HSPA12A: variants seen among roughly 807,000 people sequenced by gnomAD.
HSPA12A encodes the protein heat shock 70 kDa protein 12A.
Under a neutral mutation model 69.2 loss-of-function variants are expected in HSPA12A, and 28 were observed. The observed-to-expected ratio is 0.40, with a 90% CI of 0.30 to 0.55. The LOEUF (loss-of-function observed/expected upper bound fraction) is 0.55, where lower values mean the gene tolerates loss of function less well. Among genes scored for constraint, HSPA12A ranks in the 20% least tolerant of loss-of-function variants. The pLI is 0.38. For synonymous variants in HSPA12A, 345 were observed against 370.5 expected (o/e 0.93, Z 0.79); for missense variants, 686 against 900.7 (o/e 0.76, Z 3.05).
chr10:116,681,029 G>A (rs1000511550), intron 9 of HSPA12A, 123 bp downstream of exon 9: 6 of 669,386 alleles, frequency 9.0e-6, no homozygotes, highest in East Asian at 5.4e-5. Context: ...ATCCTCCACC[G>A]CCTACGATCC....
chr10:116,848,526 G>A (rs1845948068), intron 1 of HSPA12A, among the ~76,000 whole-genome samples: 1 of 152,190 alleles, frequency 6.6e-6, no homozygotes, highest in Non-Finnish European at 1.5e-5. Context: ...TCTTGTAACT[G>A]ATCTGCTTAG....
At chr10:116,845,738 G>T (rs934920335) in intron 1 of HSPA12A, among the ~76,000 whole-genome samples, 2 of 152,070 alleles carry the variant, frequency 1.3e-5, no homozygotes, top group African/African-American at 4.8e-5. Flanking sequence ...ATATGAAATG[G>T]AAATGCAATC....
At chr10:116,730,985 G>A (rs1851134436) in intron 1 of HSPA12A, among the ~76,000 whole-genome samples, 1 of 152,212 alleles carries the variant, frequency 6.6e-6, no homozygotes, top group South Asian at 2.1e-4. Context: ...AGGAATCAGT[G>A]TGCTCCCAGG....
At chr10:116,688,540 G>A (rs1554879757) in intron 6 of HSPA12A, among the ~76,000 whole-genome samples, 1 of 152,368 alleles carries the variant, frequency 6.6e-6, no homozygotes, top group African/African-American at 2.4e-5. Context: ...CAGTCAGCCA[G>A]GAGAATCTGC....
chr10:116,819,061 C>T (rs1267545620), intron 2 of HSPA12A, among the ~76,000 whole-genome samples: 7 of 152,142 alleles, frequency 4.6e-5, no homozygotes, highest in Non-Finnish European at 1.0e-4. Context: ...GAGACAGATG[C>T]TCCACAAGGG....
intron 2 of HSPA12A, among the ~76,000 whole-genome samples, chr10:116,817,027 G>A (rs1297113019): frequency 1.3e-5 from 2 of 152,092 alleles, no homozygotes; most frequent in Non-Finnish European, 2.9e-5. Flanking sequence ...ACAGTTTGCT[G>A]GAATCATCTG....
chr10:116,675,550 C>T lies in HSPA12A; in HGVS notation c.1391-132G>A. 1 of 879,522 alleles carries T rather than the reference C, an allele frequency of 1.1e-6. No individual in the cohort carries two copies. Among genetic ancestry groups the T allele is most frequent in the East Asian group, 2.7e-5 (1 of 37,412 alleles). 54.5% of individuals were successfully genotyped at this position (879,522 alleles called of 1,614,324 possible). ...TGGGAGGGCAGGCTTACTCTGAGCT[C>T]CTTGAACAGAATCTTTGCAGAACTG... On this transcript the variant is annotated intron_variant, in intron 11 of 11. Coordinates refer to ENST00000369209, the MANE Select transcript of HSPA12A (RefSeq NM_025015.3). This position sits in a 1 kb window ranked among gnomAD's most constrained non-coding sequence, Gnocchi z 5.2.
intron 2 of HSPA12A, among the ~76,000 whole-genome samples, chr10:116,759,966 G>T (rs782429154): frequency 6.6e-6 from 1 of 152,090 alleles, no homozygotes; most frequent in Non-Finnish European, 1.5e-5. Flanking sequence ...TGAGGGTAAG[G>T]CCTCCCCAGC....
intron 2 of HSPA12A, among the ~76,000 whole-genome samples, chr10:116,827,762 T>C (rs911628087): frequency 3.3e-5 from 5 of 152,216 alleles, no homozygotes; most frequent in African/African-American, 9.6e-5. Flanking sequence ...CATTCTGGAC[T>C]ATTTGGGGAT....
At chr10:116,849,505 C>G (rs1845986958) in intron 1 of HSPA12A, 2 of 1,436,842 alleles carry the variant, frequency 1.4e-6, no homozygotes, top group Middle Eastern at 2.3e-4. Flanking sequence ...CGTTGCCTAG[C>G]GACAGCAGGG....
At chr10:116,793,226 A>G (rs560015659) in intron 2 of HSPA12A, among the ~76,000 whole-genome samples, 59 of 152,388 alleles carry the variant, frequency 3.9e-4, no homozygotes, top group African/African-American at 1.4e-3. Context: ...AAAACACTAA[A>G]TAAACATTAA....
At chr10:116,722,520 C>T (rs1850812858) in intron 1 of HSPA12A, among the ~76,000 whole-genome samples, 1 of 152,124 alleles carries the variant, frequency 6.6e-6, no homozygotes, top group Admixed American at 6.5e-5. Flanking sequence ...CAGGAGCTGA[C>T]CCTGCAACAG....
At chr10:116,837,302 A>G (rs1845731724) in intron 1 of HSPA12A, among the ~76,000 whole-genome samples, 1 of 152,124 alleles carries the variant, frequency 6.6e-6, no homozygotes, top group Admixed American at 6.6e-5. Context: ...AACCTTTTTC[A>G]ATTCAGTTGG....
intron 1 of HSPA12A, among the ~76,000 whole-genome samples, chr10:116,716,291 C>A (rs1333343264): frequency 6.6e-6 from 1 of 152,162 alleles, no homozygotes; most frequent in African/African-American, 2.4e-5. Flanking sequence ...TTGCTGAGAT[C>A]CCAATGCCAT....
At chr10:116,727,938 G>A (rs1312133517) in intron 1 of HSPA12A, among the ~76,000 whole-genome samples, 3 of 151,208 alleles carry the variant, frequency 2.0e-5, no homozygotes, top group East Asian at 2.0e-4. Flanking sequence ...TTTTGGGGGG[G>A]GGACAGAGTC....
At chr10:116,773,435 C>T (rs117342009) in intron 2 of HSPA12A, among the ~76,000 whole-genome samples, 3,055 of 152,344 alleles carry the variant, frequency 0.02, 87 homozygotes, top group African/African-American at 0.067. Context: ...GGGAGCTGTG[C>T]GTCACTCAAA....
intron 2 of HSPA12A, among the ~76,000 whole-genome samples, chr10:116,769,197 C>T (rs1844144265): frequency 6.6e-6 from 1 of 152,214 alleles, no homozygotes; most frequent in African/African-American, 2.4e-5. Flanking sequence ...ACAAACCTTC[C>T]TGTGAGGTCA....
At chr10:116,793,301 T>A (rs969422806) in intron 2 of HSPA12A, among the ~76,000 whole-genome samples, 1 of 152,224 alleles carries the variant, frequency 6.6e-6, no homozygotes, top group East Asian at 1.9e-4. Context: ...CTGGGCACAG[T>A]GGCTCACGCC....
rs35271333 is a variant in HSPA12A, at chr10:116,703,535, TAA to T, written c.254+1614_254+1615del. On this transcript the variant is annotated intron_variant, in intron 3 of 11. Transcript: ENST00000369209. ...GGCAAAGGAACAAGAGCCTGTCTCTTAAAAAAAAAAAAATAACAACAACAACA... is the reference window on the plus strand; with the variant it reads ...GGCAAAGGAACAAGAGCCTGTCTCTTAAAAAAAAAAATAACAACAACAACA... 6.3e-3 allele frequency among the ~76,000 whole-genome samples: 926 copies of T among 146,342 alleles called. 11 individuals carry two copies. Among genetic ancestry groups the T allele is most frequent in the African/African-American group, 0.021 (827 of 39,256 alleles).
Sources: allele counts gnomAD v4.1 joint callset (sites outside exome capture counted in the v4.1 genomes callset), GRCh38; gene constraint gnomAD v4.1.1; non-coding constraint Gnocchi (gnomAD v3.1); transcripts MANE v1.5; gene names NCBI Gene and HGNC (gene_info 2026-07-23, HGNC 2026-07-21).